Variants in ALOXE3 observed in about 807,000 individuals in gnomAD.
ALOXE3 encodes the protein hydroperoxide isomerase ALOXE3.
In ALOXE3, 78 loss-of-function variants were observed where a neutral mutation model predicts 87.5. The ratio of observed to expected loss-of-function variants is 0.89; its 90% confidence interval spans 0.74 to 1.08. The LOEUF (loss-of-function observed/expected upper bound fraction) is 1.08, where lower values mean the gene tolerates loss of function less well. Among genes scored for constraint, ALOXE3 ranks in the 50% least tolerant of loss-of-function variants. The pLI is 0.00. For synonymous variants in ALOXE3, 363 were observed against 370.8 expected (o/e 0.98, Z 0.24); for missense variants, 946 against 912.4 (o/e 1.04, Z -0.47).
At position 8,109,186 on chromosome 17, in the gene ALOXE3, G is replaced by T; in HGVS notation, c.1550C>A (p.Ala517Glu). 3 of 1,613,518 alleles carry T rather than the reference G, an allele frequency of 1.9e-6. No individual in the cohort carries two copies. Among genetic ancestry groups the T allele is most frequent in the African/African-American group, 1.3e-5 (1 of 75,070 alleles). ...CCGCACCTCGCACCTCTCAATGGCC[G>T]CCCAGATCTTCAGGCCGTCGTCTCG... Reference protein sequence around the residue: ...HYRDDGLKIWAAIESFVSEIV... With the variant: ...HYRDDGLKIWEAIESFVSEIV... The change falls in exon 12 of 16, where the codon GCG becomes GAG. Residue 517 changes from alanine (A) to glutamate (E), a missense_variant. Physicochemically the swap from Ala to Glu is moderately radical, Grantham distance 107 (BLOSUM62 -1). Transcript: ENST00000448843.
At chr17:8,111,314 A>C in intron 8 of ALOXE3, 45 bp downstream of exon 8, 1 of 1,608,868 alleles carries the variant, frequency 6.2e-7, no homozygotes, top group Non-Finnish European at 8.5e-7. Flanking sequence ...ATGGTGACAC[A>C]CCCACCTCCC....
intron 15 of ALOXE3, among the ~76,000 whole-genome samples, chr17:8,102,193 G>T (rs896988316): frequency 2.6e-5 from 4 of 152,102 alleles, no homozygotes; most frequent in Non-Finnish European, 4.4e-5. Flanking sequence ...TGGGCCTCAG[G>T]CTTAAAAGTC....
In ALOXE3 at chr17:8,109,909, G is replaced by A; in HGVS notation, c.1392+7C>T. The A allele has an allele frequency of 6.5e-7, 1 of 1,548,956 alleles. No homozygotes were observed. The highest frequency in any genetic ancestry group is 8.7e-7 in the Non-Finnish European group (1 of 1,145,992). On this transcript the variant is annotated splice_region_variant and intron_variant, in intron 11 of 15. Transcript: ENST00000448843. ...CGGAGATCAGTGACCCGGCAGGGAGGCCGCACCTGGTCCACGAGGCCCTCG... is the reference window on the plus strand; with the variant it reads ...CGGAGATCAGTGACCCGGCAGGGAGACCGCACCTGGTCCACGAGGCCCTCG...
At position 8,116,801 on chromosome 17, in the gene ALOXE3, G is replaced by T. The variant is rs1980627156; in HGVS notation, c.327C>A (p.Cys109Ter). The T allele has an allele frequency of 6.2e-7, 1 of 1,614,234 alleles. No individual in the cohort carries two copies. The highest frequency in any genetic ancestry group is 8.5e-7 in the Non-Finnish European group (1 of 1,180,042). The change falls in exon 3 of 16, where the codon TGC (cysteine) becomes TGA (stop). Residue 109 changes from cysteine to a stop codon, truncating the protein, a stop_gained. Transcript: ENST00000448843. LOFTEE classifies it high-confidence loss of function. Reference sequence around the variant, plus strand: ...CTGTTCCTGGCCTCAGCTCCACGGTGCAGTAGCCTTCAATCCACTGATAGC... The same window carrying T: ...CTGTTCCTGGCCTCAGCTCCACGGTTCAGTAGCCTTCAATCCACTGATAGC... ...FPCYQWIEGY[C>*]TVELRPGTAR... is the part of the protein sequence containing the mutation.
intron 13 of ALOXE3, among the ~76,000 whole-genome samples, chr17:8,107,760 C>G (rs1347355672): frequency 4.8e-5 from 7 of 146,466 alleles, no homozygotes; most frequent in Admixed American, 1.4e-4. Context: ...GATCGCGCCA[C>G]TGCACTCCAG....
At chr17:8,114,055 G>C (rs1226783887) in intron 6 of ALOXE3, among the ~76,000 whole-genome samples, 1 of 151,108 alleles carries the variant, frequency 6.6e-6, no homozygotes, top group African/African-American at 2.4e-5. Context: ...GATGTGCCCT[G>C]AAAAGTGTGG....
Position 8,112,088 on chromosome 17 carries a change from C to T in ALOXE3, c.784+5G>A. On this transcript the variant is annotated splice_donor_5th_base_variant and intron_variant, in intron 7 of 15. Coordinates refer to ENST00000448843, the MANE Select transcript of ALOXE3 (RefSeq NM_021628.3). ...GGTAGACATCTCCTGCCTGGCTCTG[C>T]TCACTTGTCGTGAAGGTCTTATGGC... The T allele has an allele frequency of 6.2e-7, 1 of 1,613,192 alleles. No individual in the cohort carries two copies. The highest frequency in any genetic ancestry group is 8.5e-7 in the Non-Finnish European group (1 of 1,179,126).
Position 8,103,411 on chromosome 17 carries a change from T to C in ALOXE3, c.1868A>G (p.Lys623Arg). The C allele has an allele frequency of 6.2e-7, 1 of 1,614,132 alleles. No homozygotes were observed. The highest frequency in any genetic ancestry group is 8.5e-7 in the Non-Finnish European group (1 of 1,180,010). ...PPQTKGTTTL[K>R]TYLDTLPEVN... ...TTCAGGGAGGGTGTCTAGGTAAGTC[T>C]TCAGGGTGGTGGTCCCCTTGGTCTG... The change falls in exon 15 of 16, where the codon AAG becomes AGG. Residue 623 changes from lysine (K) to arginine (R), a missense_variant. By Grantham distance (26) the Lys-to-Arg change is conservative. Coordinates refer to ENST00000448843, the MANE Select transcript of ALOXE3 (RefSeq NM_021628.3).
At chr17:8,099,191 G>A (rs1288979103) in intron 15 of ALOXE3, among the ~76,000 whole-genome samples, 3 of 151,842 alleles carry the variant, frequency 2.0e-5, no homozygotes, top group Non-Finnish European at 4.4e-5. Flanking sequence ...CAGCTAACAC[G>A]TAAGCACTGT....
In ALOXE3 at chr17:8,111,481, G is replaced by A. The variant is rs757342456; in HGVS notation, c.835C>T (p.Leu279=). 6 of 1,614,070 alleles carry A rather than the reference G, an allele frequency of 3.7e-6. No individual in the cohort carries two copies. Among genetic ancestry groups the A allele is most frequent in the Non-Finnish European group, 4.2e-6 (5 of 1,180,050 alleles). ...AGCATGACGGGATTGACACCATTCAGGTACTGGTACCCAAAGAAGTGATCT... is the reference window on the plus strand; with the variant it reads ...AGCATGACGGGATTGACACCATTCAAGTACTGGTACCCAAAGAAGTGATCT... ...CEDHFFGYQY[L]NGVNPVMLHC... The change falls in exon 8 of 16, where the codon CTG becomes TTG. Residue 279 remains leucine, a synonymous_variant. Coordinates refer to ENST00000448843, the MANE Select transcript of ALOXE3 (RefSeq NM_021628.3).
intron 6 of ALOXE3, among the ~76,000 whole-genome samples, chr17:8,114,101 A>G (rs1980356892): frequency 6.6e-6 from 1 of 151,876 alleles, no homozygotes; most frequent in Admixed American, 6.6e-5. Flanking sequence ...GGGGGGATGA[A>G]TGATCGGACA....
Position 8,109,248 on chromosome 17 carries a change from C to T in ALOXE3, c.1488G>A (p.Arg496=), listed in dbSNP as rs1223992724. Residue 496 remains arginine (R), a synonymous_variant, in exon 12 of 16, where the codon CGG becomes CGA. Coordinates refer to ENST00000448843, the MANE Select transcript of ALOXE3 (RefSeq NM_021628.3). The stretch of plus-strand genomic sequence containing the variant: ...TGGGGATAGCCAGGACGCCGCGGGC[C>T]CGCAGGCTGTCCGGAAGGCAGAAAT... The part of the protein sequence containing the change: ...YTNFCLPDSL[R]ARGVLAIPNY... 6.2e-7 allele frequency: 1 copy of T among 1,614,136 alleles called. No homozygotes were observed. Among genetic ancestry groups the T allele is most frequent in the Non-Finnish European group, 8.5e-7 (1 of 1,180,048 alleles).
intron 6 of ALOXE3, among the ~76,000 whole-genome samples, chr17:8,113,286 C>T (rs994276448): frequency 6.6e-6 from 1 of 152,228 alleles, no homozygotes. Context: ...CTCCTCAGGG[C>T]AAGGACTTGG....
At chr17:8,111,121 C>T (rs555683478) in intron 8 of ALOXE3, among the ~76,000 whole-genome samples, 5 of 152,340 alleles carry the variant, frequency 3.3e-5, no homozygotes, top group East Asian at 1.9e-4. Flanking sequence ...AGCCACCCTG[C>T]GCGTTCACAC....
At chr17:8,102,917 C>T (rs1979013442) in intron 15 of ALOXE3, among the ~76,000 whole-genome samples, 1 of 152,224 alleles carries the variant, frequency 6.6e-6, no homozygotes, top group Admixed American at 6.5e-5. Flanking sequence ...ACTCCTACAA[C>T]ACGGTGGTGC....
chr17:8,098,700 T>G (rs1256739181), intron 15 of ALOXE3, among the ~76,000 whole-genome samples: 1 of 152,224 alleles, frequency 6.6e-6, no homozygotes, highest in Non-Finnish European at 1.5e-5. Context: ...TTGCTAGATT[T>G]CATAAGGTTG....
rs1400913198 is a variant in ALOXE3, at chr17:8,117,982, C to A, written c.9G>T (p.Val3=). The A allele has an allele frequency of 1.2e-6, 2 of 1,611,290 alleles. No homozygotes were observed. The highest frequency in any genetic ancestry group is 1.7e-5 in the Admixed American group (1 of 59,862). MA[V]YRLCVTTGPY... Reference sequence around the variant, plus strand: ...GACCAGTGGTCACACACAGGCGGTACACTGCCATGATGGGAAGGAGGAAGG... The same window carrying A: ...GACCAGTGGTCACACACAGGCGGTAAACTGCCATGATGGGAAGGAGGAAGG... Residue 3 remains valine, a synonymous_variant, in exon 2 of 16, where the codon GTG becomes GTT. Coordinates refer to ENST00000448843, the MANE Select transcript of ALOXE3 (RefSeq NM_021628.3).
In ALOXE3 at chr17:8,109,236, G is replaced by A; in HGVS notation, c.1500C>T (p.Val500=). The A allele has an allele frequency of 1.2e-6, 2 of 1,614,084 alleles. No individual in the cohort carries two copies. Among genetic ancestry groups the A allele is most frequent in the Non-Finnish European group, 1.7e-6 (2 of 1,180,042 alleles). ...CLPDSLRARG[V]LAIPNYHYRD... ...GGTAGTGGTAGTTGGGGATAGCCAG[G>A]ACGCCGCGGGCCCGCAGGCTGTCCG... Residue 500 remains valine (V), a synonymous_variant, in exon 12 of 16, where the codon GTC becomes GTT. Coordinates refer to ENST00000448843, the MANE Select transcript of ALOXE3 (RefSeq NM_021628.3).
At chr17:8,107,810 CA>C (rs527448687) in intron 13 of ALOXE3, among the ~76,000 whole-genome samples, 5 of 31,288 alleles carry the variant, frequency 1.6e-4, no homozygotes, top group East Asian at 7.7e-4. Flanking sequence ...AAAAAAAAAA[CA>C]AGAAAGAAAG....
Sources: gnomAD v4.1 joint callset for allele counts (sites outside exome capture counted in the v4.1 genomes callset) on GRCh38, gnomAD v4.1.1 for gene constraint, MANE v1.5 for transcripts, NCBI Gene and HGNC (gene_info 2026-07-23, HGNC 2026-07-21) for gene names.